Variants in SBF2 observed in about 807,000 individuals in gnomAD.
The protein encoded by SBF2 is myotubularin-related protein 13.
A neutral mutation model predicts 225.2 loss-of-function variants in SBF2; 112 were observed. That is an observed-to-expected ratio of 0.50 (90% CI 0.43 to 0.58). The LOEUF (loss-of-function observed/expected upper bound fraction) is 0.58. Ranked by LOEUF, SBF2 falls within the 20% of genes least tolerant of loss-of-function variation. The pLI is 0.00. For missense variants in SBF2, 1,996 were observed against 2,206.2 expected, an observed-to-expected ratio of 0.90 and a Z score of 1.91; for synonymous variants, 763 against 773.3, an observed-to-expected ratio of 0.99 and a Z score of 0.22.
At chr11:9,950,860 T>G (rs1865816482) in intron 16 of SBF2, among the ~76,000 whole-genome samples, 1 of 152,202 alleles carries the variant, frequency 6.6e-6, no homozygotes, top group Non-Finnish European at 1.5e-5. Flanking sequence ...TTACAACACA[T>G]TCATTTATTC....
chr11:10,220,472 A>G (rs1958301127), intron 1 of SBF2, among the ~76,000 whole-genome samples: 1 of 152,096 alleles, frequency 6.6e-6, no homozygotes, highest in South Asian at 2.1e-4. Flanking sequence ...ACCAAGACCT[A>G]TAGCTTCTAT....
chr11:10,004,113 T>G (rs565759508), intron 6 of SBF2, among the ~76,000 whole-genome samples: 1 of 152,326 alleles, frequency 6.6e-6, no homozygotes, highest in South Asian at 2.1e-4. Flanking sequence ...ACTAATGTAA[T>G]AGTTTCGTAA....
At chr11:10,238,596 G>C (rs1959167711) in intron 1 of SBF2, among the ~76,000 whole-genome samples, 1 of 138,756 alleles carries the variant, frequency 7.2e-6, no homozygotes, top group East Asian at 2.0e-4. Context: ...AAAATTGAGA[G>C]ACACAAAGAG....
intron 7 of SBF2, among the ~76,000 whole-genome samples, chr11:10,001,518 T>C (rs1199977295): frequency 6.6e-6 from 1 of 152,042 alleles, no homozygotes; most frequent in Non-Finnish European, 1.5e-5. Flanking sequence ...AGCACCTAAA[T>C]TAAAAATAAA....
intron 16 of SBF2, among the ~76,000 whole-genome samples, chr11:9,933,170 A>C (rs952713084): frequency 2.6e-5 from 4 of 152,110 alleles, no homozygotes; most frequent in African/African-American, 4.8e-5. Flanking sequence ...AAGTCCTGAG[A>C]GACCTACAAA....
chr11:10,262,784 A>G (rs1217818266), intron 1 of SBF2, among the ~76,000 whole-genome samples: 7 of 152,160 alleles, frequency 4.6e-5, no homozygotes, highest in African/African-American at 1.7e-4. Flanking sequence ...GATTAATGAA[A>G]TATCCTATAC....
chr11:10,022,270 CTG>C (rs1948889058), intron 6 of SBF2, among the ~76,000 whole-genome samples: 1 of 152,126 alleles, frequency 6.6e-6, no homozygotes, highest in Non-Finnish European at 1.5e-5. Flanking sequence ...GATAGAATTT[CTG>C]TAACGTCCCT....
chr11:9,982,728 G>A (rs942044819), intron 13 of SBF2, among the ~76,000 whole-genome samples: 8 of 152,136 alleles, frequency 5.3e-5, no homozygotes, highest in Non-Finnish European at 1.2e-4. Context: ...CTGCTCCTGC[G>A]GGATTCGGGA....
intron 2 of SBF2, among the ~76,000 whole-genome samples, chr11:10,147,266 C>T (rs1409235178): frequency 6.6e-6 from 1 of 152,044 alleles, no homozygotes; most frequent in Non-Finnish European, 1.5e-5. Flanking sequence ...GACACATGCA[C>T]CCATATGTTT....
chr11:10,183,022 C>A (rs752012747), intron 2 of SBF2, among the ~76,000 whole-genome samples: 1 of 152,040 alleles, frequency 6.6e-6, no homozygotes, highest in Non-Finnish European at 1.5e-5. Flanking sequence ...CCGCCCGCCT[C>A]GGCCTCCCAA....
chr11:10,228,447 T>C (rs565513020), intron 1 of SBF2, among the ~76,000 whole-genome samples: 1 of 152,332 alleles, frequency 6.6e-6, no homozygotes, highest in South Asian at 2.1e-4. Flanking sequence ...AGTATGATAT[T>C]GGCTGTAGGT....
intron 18 of SBF2, among the ~76,000 whole-genome samples, chr11:9,857,761 A>G (rs1857426378): frequency 6.6e-6 from 1 of 152,238 alleles, no homozygotes; most frequent in Non-Finnish European, 1.5e-5. Flanking sequence ...TTTTCATAAA[A>G]ATATTTTATG....
chr11:9,918,944 G>A (rs1411395269), intron 16 of SBF2, among the ~76,000 whole-genome samples: 5 of 151,910 alleles, frequency 3.3e-5, no homozygotes, highest in African/African-American at 7.2e-5. Flanking sequence ...CGGTTTCACC[G>A]TGTTAGCCAG....
chr11:10,281,482 T>C (rs1963404598), intron 1 of SBF2, among the ~76,000 whole-genome samples: 1 of 152,148 alleles, frequency 6.6e-6, no homozygotes, highest in African/African-American at 2.4e-5. Context: ...CTTGAAACAG[T>C]CTCTCTTATG....
At chr11:9,843,964 T>C (rs180723816) in intron 24 of SBF2, 16 of 152,316 alleles carry the variant, frequency 1.1e-4, no homozygotes, top group Non-Finnish European at 1.9e-4. Context: ...AGGCAACTCT[T>C]AAAATTTTTA....
intron 13 of SBF2, among the ~76,000 whole-genome samples, chr11:9,987,576 G>A (rs1224287368): frequency 1.3e-5 from 2 of 152,068 alleles, no homozygotes; most frequent in Non-Finnish European, 2.9e-5. Flanking sequence ...CAAAGTTTCC[G>A]GATCTGAGAT....
chr11:10,299,710 A>G (rs569340131), intron 1 of SBF2, among the ~76,000 whole-genome samples: 1 of 149,888 alleles, frequency 6.7e-6, no homozygotes, highest in African/African-American at 2.4e-5. Context: ...GAGTATGTGT[A>G]TGTGGGGAGG....
chr11:9,798,027 A>ATAAT (rs1853239714), intron 32 of SBF2, among the ~76,000 whole-genome samples: 1 of 136,964 alleles, frequency 7.3e-6, no homozygotes, highest in African/African-American at 3.5e-5. Context: ...TGAGGAGTTT[A>ATAAT]TAATTATAAT....
At chr11:10,289,936 C>T (rs1302865080) in intron 1 of SBF2, among the ~76,000 whole-genome samples, 1 of 152,158 alleles carries the variant, frequency 6.6e-6, no homozygotes, top group African/African-American at 2.4e-5. Flanking sequence ...GGGGGCAGTA[C>T]AGTCGGCTGC....
Sources: gnomAD v4.1 joint callset for allele counts (sites outside exome capture counted in the v4.1 genomes callset) on GRCh38, gnomAD v4.1.1 for gene constraint, MANE v1.5 for transcripts, NCBI Gene and HGNC (gene_info 2026-07-23, HGNC 2026-07-21) for gene names.